Variants in DST observed in about 807,000 individuals in gnomAD.
DST encodes bullous pemphigoid antigen.
DST carries 253 observed loss-of-function variants against 875.2 expected under a neutral mutation model. The observed-to-expected ratio is 0.29, with a 90% CI of 0.26 to 0.32. DST has a LOEUF of 0.32. Ranked by LOEUF, DST falls within the 10% of genes least tolerant of loss-of-function variation. The pLI is 1.00. For missense variants in DST, 8,287 were observed against 9,111.6 expected (o/e 0.91, Z 3.68); for synonymous variants, 3,124 against 3,197.1 (o/e 0.98, Z 0.77).
At chr6:56,696,077 G>C (rs1588750334) in intron 9 of DST, among the ~76,000 whole-genome samples, 2 of 152,228 alleles carry the variant, frequency 1.3e-5, no homozygotes, top group Non-Finnish European at 2.9e-5. Context: ...ATGAATATTG[G>C]TGATAATTTG....
chr6:56,478,212 A>G (rs540730434), intron 90 of DST, among the ~76,000 whole-genome samples: 1 of 152,340 alleles, frequency 6.6e-6, no homozygotes, highest in East Asian at 1.9e-4. Context: ...AATAGCATTA[A>G]CTATGCCAGG....
chr6:56,645,726 A>C, intron 15 of DST, 140 bp downstream of exon 15: 1 of 962,964 alleles, frequency 1.0e-6, no homozygotes, highest in Non-Finnish European at 1.5e-6. Context: ...AAGAGTTTCT[A>C]GGTAAGAAAA....
At position 56,616,221 on chromosome 6, in the gene DST, A is replaced by C. The variant is rs773803740; in HGVS notation, c.4930-1737T>G. 1.2e-5 allele frequency: 19 copies of C among 1,614,046 alleles called. 1 individual carries two copies. The East Asian group carries it at 2.9e-4, about 25-fold the overall frequency. ...AGGCCTTCCTGATACTTTTTGACCA[A>C]GGCTTTGTCAATTGTTCCCTGCTCT... On this transcript the variant is annotated intron_variant, in intron 36 of 103. Coordinates refer to ENST00000680361, the MANE Select transcript of DST (RefSeq NM_001374736.1).
At chr6:56,659,041 T>C (rs1203669208) in intron 10 of DST, among the ~76,000 whole-genome samples, 2 of 152,104 alleles carry the variant, frequency 1.3e-5, no homozygotes, top group Non-Finnish European at 2.9e-5. Flanking sequence ...CCAATAGCTA[T>C]GAAAAGCCAT....
At chr6:56,820,945 A>G (rs1263601568) in intron 4 of DST, among the ~76,000 whole-genome samples, 1 of 152,188 alleles carries the variant, frequency 6.6e-6, no homozygotes, top group Non-Finnish European at 1.5e-5. Context: ...CTTTGCCTAC[A>G]ATTACACCAG....
intron 5 of DST, among the ~76,000 whole-genome samples, chr6:56,721,181 G>A (rs1589182705): frequency 1.1e-5 from 1 of 92,172 alleles, no homozygotes; most frequent in South Asian, 2.4e-4. Context: ...GCGGCTGCCG[G>A]GCGGGGGTGC....
chr6:56,521,312 T>A (rs2096696264), intron 69 of DST, among the ~76,000 whole-genome samples: 1 of 151,870 alleles, frequency 6.6e-6, no homozygotes, highest in South Asian at 2.1e-4. Flanking sequence ...TGAATAAAAT[T>A]TAACAGTTAT....
At chr6:56,863,836 C>T (rs1772578378) in intron 3 of DST, 1 of 152,188 alleles carries the variant, frequency 6.6e-6, no homozygotes, top group African/African-American at 2.4e-5. Flanking sequence ...CTCAACTGGC[C>T]TTGTGTTTTT....
intron 4 of DST, among the ~76,000 whole-genome samples, chr6:56,806,378 A>G (rs901343142): frequency 1.3e-5 from 2 of 152,218 alleles, no homozygotes; most frequent in Admixed American, 6.5e-5. Context: ...GTGACATACA[A>G]AAAGAGCAAA....
intron 10 of DST, among the ~76,000 whole-genome samples, chr6:56,669,287 CAAAAA>C (rs1055863442): frequency 5.8e-5 from 4 of 69,392 alleles, no homozygotes; most frequent in African/African-American, 2.1e-4. Flanking sequence ...TTTGTAAAAC[CAAAAA>C]AAAAAAAAAA....
At chr6:56,625,664 G>T (rs1183886537) in intron 34 of DST, among the ~76,000 whole-genome samples, 1 of 151,310 alleles carries the variant, frequency 6.6e-6, no homozygotes, top group Non-Finnish European at 1.5e-5. Context: ...GGTAATAAAT[G>T]ACTATGTTAC....
chr6:56,543,681 A>G lies in DST; in HGVS notation c.16609-6741T>C, dbSNP rs537880691. Among the ~76,000 whole-genome samples, 9 of 152,386 alleles carry G rather than the reference A, an allele frequency of 5.9e-5. No individual in the cohort carries two copies. The South Asian group carries it at 1.2e-3, about 21-fold the overall frequency. ...TTACAAATGAAGCGGTCTTTCTTCA[A>G]TCTCATAAAATAATCATTTGAACAT... On this transcript the variant is annotated intron_variant, in intron 61 of 103. Transcript: ENST00000680361.
intron 4 of DST, chr6:56,851,085 C>A: frequency 2.8e-6 from 1 of 355,490 alleles, no homozygotes; most frequent in Non-Finnish European, 5.1e-6. Flanking sequence ...CTAATACTTT[C>A]AGAATGTTAT....
intron 9 of DST, among the ~76,000 whole-genome samples, chr6:56,678,860 T>A (rs1232196188): frequency 6.6e-6 from 1 of 152,216 alleles, no homozygotes; most frequent in African/African-American, 2.4e-5. Context: ...TTTCTTTCCC[T>A]TCCCACAAAT....
At chr6:56,536,703 A>G in intron 62 of DST, 76 bp downstream of exon 62, 1 of 1,392,384 alleles carries the variant, frequency 7.2e-7, no homozygotes, top group Non-Finnish European at 9.5e-7. Context: ...GGCTACCACA[A>G]ATATGATTCA....
Position 56,692,443 on chromosome 6 carries a change from C to T in DST, c.1047+7210G>A, listed in dbSNP as rs1010302179. 3 of 1,289,258 alleles carry T rather than the reference C, an allele frequency of 2.3e-6. No individual in the cohort carries two copies. In the African/African-American group the frequency reaches 4.6e-5, roughly 20 times the overall value. The allele number at this position is 1,289,258 out of a possible 1,614,324, so 79.9% of individuals were successfully genotyped here. ...GGACATACTAGTATAAAGGGAATGG[C>T]ATCTCTTTTTTTTAAACTGAAAATG... On this transcript the variant is annotated intron_variant, in intron 9 of 103. Transcript: ENST00000680361.
At chr6:56,874,880 C>A (rs775769813) in intron 3 of DST, among the ~76,000 whole-genome samples, 4 of 152,202 alleles carry the variant, frequency 2.6e-5, no homozygotes, top group African/African-American at 4.8e-5. Context: ...ATATTAAAGG[C>A]CTGGTTATCT....
intron 43 of DST, among the ~76,000 whole-genome samples, chr6:56,602,633 A>G (rs534764329): frequency 2.5e-4 from 38 of 152,124 alleles, no homozygotes; most frequent in Admixed American, 7.9e-4. Flanking sequence ...ATAAATAAAT[A>G]TATAAATAAA....
At chr6:56,611,955 A>ATGTCC (rs2098549400) in intron 37 of DST, among the ~76,000 whole-genome samples, 3 of 152,182 alleles carry the variant, frequency 2.0e-5, no homozygotes, top group Admixed American at 2.0e-4. Flanking sequence ...CCTCAAAAAG[A>ATGTCC]CACATGACTG....
Sources: allele counts gnomAD v4.1 joint callset (sites outside exome capture counted in the v4.1 genomes callset), GRCh38; gene constraint gnomAD v4.1.1; transcripts MANE v1.5; gene names NCBI Gene and HGNC (gene_info 2026-07-23, HGNC 2026-07-21).